The following STIM1 variants were observed in gnomAD, a reference collection of about 807,000 sequenced individuals.
The protein encoded by STIM1 is stromal interaction molecule 1.
STIM1 carries 25 observed loss-of-function variants against 74.7 expected under a neutral mutation model. The observed-to-expected ratio is 0.33, with a 90% CI of 0.24 to 0.47. The LOEUF is 0.47. Ranked by LOEUF, STIM1 falls within the 20% of genes least tolerant of loss-of-function variation. STIM1 has a pLI of 1.00. For missense variants in STIM1, 728 were observed against 920.8 expected, an observed-to-expected ratio of 0.79 and a Z score of 2.71; for synonymous variants, 328 against 348.8, an observed-to-expected ratio of 0.94 and a Z score of 0.66.
intron 1 of STIM1, among the ~76,000 whole-genome samples, chr11:3,882,248 C>T (rs11606483): frequency 0.076 from 11,520 of 151,352 alleles, 602 homozygotes; most frequent in Middle Eastern, 0.15. Flanking sequence ...TACAGGCGTG[C>T]GCCACCACGC....
At chr11:3,983,977 C>G (rs990398239) in intron 2 of STIM1, among the ~76,000 whole-genome samples, 3 of 152,078 alleles carry the variant, frequency 2.0e-5, no homozygotes, top group Admixed American at 6.6e-5. Context: ...AGCGATTCTC[C>G]TGCCTCAGCC....
intron 1 of STIM1, among the ~76,000 whole-genome samples, chr11:3,911,999 A>G (rs1009326944): frequency 6.6e-6 from 1 of 152,132 alleles, no homozygotes; most frequent in South Asian, 2.1e-4. Context: ...TATTTCCACC[A>G]TAAATACTGG....
chr11:3,872,631 C>T (rs949409935), intron 1 of STIM1, among the ~76,000 whole-genome samples: 5 of 150,262 alleles, frequency 3.3e-5, no homozygotes, highest in Admixed American at 6.6e-5. Flanking sequence ...ATGCCATTCT[C>T]CTGCCTCAGC....
At chr11:3,958,734 C>T (rs1367269807) in intron 1 of STIM1, among the ~76,000 whole-genome samples, 8 of 152,052 alleles carry the variant, frequency 5.3e-5, no homozygotes, top group Non-Finnish European at 4.4e-5. Flanking sequence ...CTTTGGGAGA[C>T]TGAGGCGGGT....
At chr11:4,065,753 T>A (rs966646433) in intron 5 of STIM1, among the ~76,000 whole-genome samples, 1 of 152,164 alleles carries the variant, frequency 6.6e-6, no homozygotes, top group East Asian at 1.9e-4. Context: ...AAGCATTTGT[T>A]GGGCTATAAC....
intron 5 of STIM1, among the ~76,000 whole-genome samples, chr11:4,060,412 C>T (rs2094322631): frequency 6.6e-6 from 1 of 152,176 alleles, no homozygotes; most frequent in South Asian, 2.1e-4. Flanking sequence ...ATTTCCCTGT[C>T]TGTGAATATG....
chr11:4,016,223 G>C (rs1394993689), intron 2 of STIM1, among the ~76,000 whole-genome samples: 2 of 152,130 alleles, frequency 1.3e-5, no homozygotes, highest in East Asian at 3.8e-4. Flanking sequence ...CTACAGATGG[G>C]GTTTTGGTGT....
At chr11:3,874,322 C>T (rs1331123448) in intron 1 of STIM1, among the ~76,000 whole-genome samples, 1 of 152,166 alleles carries the variant, frequency 6.6e-6, no homozygotes, top group Admixed American at 6.5e-5. Context: ...GTATGTGTTC[C>T]TCTTCTAACC....
chr11:4,066,161 C>T (rs1320519325), intron 5 of STIM1, among the ~76,000 whole-genome samples: 2 of 152,158 alleles, frequency 1.3e-5, no homozygotes, highest in Non-Finnish European at 2.9e-5. Context: ...CTCTGGTTCC[C>T]CCAGTCCCAG....
intron 1 of STIM1, among the ~76,000 whole-genome samples, chr11:3,920,590 G>C (rs1273212520): frequency 1.3e-5 from 2 of 151,928 alleles, no homozygotes; most frequent in Admixed American, 1.3e-4. Context: ...TGTATAATTG[G>C]GATTGACAAA....
At chr11:3,999,384 C>G (rs948280183) in intron 2 of STIM1, among the ~76,000 whole-genome samples, 1 of 152,160 alleles carries the variant, frequency 6.6e-6, no homozygotes, top group Non-Finnish European at 1.5e-5. Context: ...TTTTCTGACC[C>G]AATATCTGGT....
rs61897253 is a variant in STIM1, at chr11:4,080,495, C to T, written c.970-1689C>T. ...TTTTTTTTTTTTTTTGAGACAGTGT[C>T]TCACTCTATTGCCCAGGCTGGAGTG... On this transcript the variant is annotated intron_variant, in intron 7 of 12. Coordinates refer to ENST00000526596, the MANE Select transcript of STIM1 (RefSeq NM_001382567.1). Among the ~76,000 whole-genome samples the T allele has an allele frequency of 2.7e-4, 33 of 122,004 alleles. 1 individual carries two copies. Among genetic ancestry groups the T allele is most frequent in the African/African-American group, 9.5e-4 (32 of 33,822 alleles). 80.0% of individuals were successfully genotyped at this position (122,004 alleles called of 152,430 possible).
At chr11:3,966,937 T>A (rs2093345688) in intron 1 of STIM1, among the ~76,000 whole-genome samples, 2 of 152,224 alleles carry the variant, frequency 1.3e-5, no homozygotes, top group African/African-American at 4.8e-5. Flanking sequence ...TTGTATCAGA[T>A]GAGCTCGGGA....
intron 2 of STIM1, among the ~76,000 whole-genome samples, chr11:3,990,550 T>C (rs1315328690): frequency 6.6e-6 from 1 of 152,214 alleles, no homozygotes; most frequent in African/African-American, 2.4e-5. Context: ...GGCTAAACCA[T>C]TTTTACATTC....
At chr11:3,884,485 C>T (rs1406985964) in intron 1 of STIM1, among the ~76,000 whole-genome samples, 1 of 152,158 alleles carries the variant, frequency 6.6e-6, no homozygotes, top group Non-Finnish European at 1.5e-5. Flanking sequence ...GGGACACTGA[C>T]TTATGCAGTC....
At chr11:4,059,485 C>CT (rs2094315565) in intron 5 of STIM1, 89 bp downstream of exon 5, 2 of 989,510 alleles carry the variant, frequency 2.0e-6, no homozygotes, top group Non-Finnish European at 3.2e-6. Context: ...TCTGGGTCTC[C>CT]TAGGCACACC....
chr11:3,889,424 A>G (rs1229796183), intron 1 of STIM1, among the ~76,000 whole-genome samples: 2 of 150,458 alleles, frequency 1.3e-5, no homozygotes, highest in Admixed American at 1.3e-4. Flanking sequence ...CTGGAGAGCA[A>G]TGGCACGATT....
chr11:3,857,588 C>G (rs969054934), intron 1 of STIM1, among the ~76,000 whole-genome samples: 5 of 151,822 alleles, frequency 3.3e-5, no homozygotes, highest in African/African-American at 1.2e-4. Context: ...TTCTCTTTTC[C>G]CATTTCTCTC....
intron 12 of STIM1, chr11:4,086,836 AT>A (rs1477532924): frequency 6.5e-7 from 1 of 1,534,668 alleles, no homozygotes; most frequent in African/African-American, 1.4e-5. Context: ...CACCGCTGTG[AT>A]GCCTGGGCAT....
Sources: gnomAD v4.1 joint callset for allele counts (sites outside exome capture counted in the v4.1 genomes callset) on GRCh38, gnomAD v4.1.1 for gene constraint, MANE v1.5 for transcripts, NCBI Gene and HGNC (gene_info 2026-07-23, HGNC 2026-07-21) for gene names.